EIF2AK4: variants seen among roughly 807,000 people sequenced by gnomAD.
EIF2AK4 encodes eIF-2-alpha kinase GCN2.
EIF2AK4 carries 139 observed loss-of-function variants against 211.1 expected under a neutral mutation model. The observed-to-expected ratio is 0.66, with a 90% CI of 0.57 to 0.76. The LOEUF (loss-of-function observed/expected upper bound fraction) is 0.76. EIF2AK4 is among the 30% of genes least tolerant of loss of function. The probability of loss-of-function intolerance (pLI) is 0.00; values close to 1 mark genes in which losing one functional copy is unlikely to be tolerated. For missense variants in EIF2AK4, 1,664 were observed against 2,043.8 expected (o/e 0.81, Z 3.58); for synonymous variants, 710 against 751.3 (o/e 0.94, Z 0.90).
At position 40,016,601 on chromosome 15, in the gene EIF2AK4, T is replaced by C; in HGVS notation, c.3859T>C (p.Leu1287=). The part of the protein sequence containing the change: ...LIKQKTGIAQ[L]VKYGLKDLEE... ...AAAACAGAAAACAGGTATTGCACAG[T>C]TGGTGAAGTATGGCTTAAAAGACCT... The change falls in exon 28 of 39, where the codon TTG becomes CTG. Residue 1287 remains leucine (L), a synonymous_variant. Transcript: ENST00000263791. 1 of 1,614,194 alleles carries C rather than the reference T, an allele frequency of 6.2e-7. No individual in the cohort carries two copies. Among genetic ancestry groups the C allele is most frequent in the Non-Finnish European group, 8.5e-7 (1 of 1,180,030 alleles).
intron 3 of EIF2AK4, among the ~76,000 whole-genome samples, chr15:39,948,022 G>C (rs1189080432): frequency 6.6e-6 from 1 of 152,164 alleles, no homozygotes; most frequent in Non-Finnish European, 1.5e-5. Flanking sequence ...GCTTTTCTTA[G>C]AATAACCTGC....
At chr15:40,014,602 C>G (rs2035280653) in intron 27 of EIF2AK4, among the ~76,000 whole-genome samples, 1 of 152,246 alleles carries the variant, frequency 6.6e-6, no homozygotes, top group Non-Finnish European at 1.5e-5. Flanking sequence ...GCCCACGAAA[C>G]CATTTTTTCC....
chr15:39,992,894 G>A, intron 18 of EIF2AK4, 46 bp downstream of exon 18: 2 of 1,570,116 alleles, frequency 1.3e-6, no homozygotes, highest in Non-Finnish European at 1.8e-6. Flanking sequence ...TAAGGTAATA[G>A]GACATCTAGA....
Position 39,965,740 on chromosome 15 carries a change from G to A in EIF2AK4, c.914G>A (p.Gly305Asp), listed in dbSNP as rs1243348671. Residue 305 changes from glycine (G) to aspartate (D), a missense_variant, in exon 8 of 39, where the codon GGT becomes GAT. By Grantham distance (94) the Gly-to-Asp change is moderately conservative. Coordinates refer to ENST00000263791, the MANE Select transcript of EIF2AK4 (RefSeq NM_001013703.4). ...TACAATGCTTTGGAAACAGCCACTG[G>A]TGGCTTTGTCTTGTTGTATGAGTGG... is the stretch of plus-strand genomic sequence containing the variant. ...LVYNALETATGGFVLLYEWVL... is the reference protein window; with the variant it reads ...LVYNALETATDGFVLLYEWVL... 1.2e-6 allele frequency: 2 copies of A among 1,613,978 alleles called. No homozygotes were observed. The highest frequency in any genetic ancestry group is 1.7e-6 in the Non-Finnish European group (2 of 1,180,004).
intron 9 of EIF2AK4, among the ~76,000 whole-genome samples, chr15:39,970,514 G>A (rs778974795): frequency 3.9e-5 from 6 of 152,118 alleles, no homozygotes; most frequent in East Asian, 1.9e-4. Context: ...GTAGGTCCAC[G>A]CCTATACAGA....
At position 40,035,313 on chromosome 15, in the gene EIF2AK4, TAAA is replaced by T. The variant is rs1184161325; in HGVS notation, c.*234_*236del. On this transcript the variant is annotated 3_prime_UTR_variant, in exon 39 of 39. Transcript: ENST00000263791. ...AGCAAGACCCCATCTCTATAAAAAC[TAAA>T]AAAATTAGTTGGGCATGGTGGCACA... is the stretch of plus-strand genomic sequence containing the variant. 1.4e-5 allele frequency: 4 copies of T among 287,140 alleles called. No homozygotes were observed. In the South Asian group the frequency reaches 4.2e-4, roughly 30 times the overall value. The allele number at this position is 287,140 out of a possible 1,614,324, so 17.8% of individuals were successfully genotyped here. A position where few individuals can be genotyped will look rare whatever the true frequency, so the allele number is the denominator to read the frequency against.
intron 13 of EIF2AK4, among the ~76,000 whole-genome samples, chr15:39,981,475 T>C (rs2034784302): frequency 1.3e-5 from 2 of 152,136 alleles, no homozygotes; most frequent in African/African-American, 4.8e-5. Context: ...CTGGTTTTGC[T>C]CAGTTAAGGG....
chr15:40,029,038 A>G (rs1452554733), intron 33 of EIF2AK4, among the ~76,000 whole-genome samples: 1 of 152,200 alleles, frequency 6.6e-6, no homozygotes, highest in Non-Finnish European at 1.5e-5. Context: ...GGCTACTGCC[A>G]TAATGAAGGT....
At chr15:39,982,690 C>T (rs1249842491) in intron 13 of EIF2AK4, among the ~76,000 whole-genome samples, 2 of 151,942 alleles carry the variant, frequency 1.3e-5, no homozygotes, top group East Asian at 3.9e-4. Flanking sequence ...AGCTATCCCT[C>T]CCCTAGCTCC....
At chr15:39,997,198 C>T (rs2035029862) in intron 19 of EIF2AK4, 133 bp downstream of exon 19, 1 of 685,688 alleles carries the variant, frequency 1.5e-6, no homozygotes, top group Non-Finnish European at 2.5e-6. Context: ...TTTAATGACT[C>T]ATTTATTCAG....
At chr15:39,965,535 C>A in intron 7 of EIF2AK4, 151 bp from the exon 8 acceptor site, 1 of 875,874 alleles carries the variant, frequency 1.1e-6, no homozygotes, top group Non-Finnish European at 1.7e-6. Context: ...AAATTGTTTA[C>A]AAAAGGACAT....
chr15:39,945,373 A>C (rs1382511070), intron 3 of EIF2AK4, among the ~76,000 whole-genome samples: 4 of 152,204 alleles, frequency 2.6e-5, no homozygotes, highest in Non-Finnish European at 5.9e-5. Flanking sequence ...AAGAAGATCA[A>C]ATTAGCCACC....
intron 15 of EIF2AK4, among the ~76,000 whole-genome samples, chr15:39,988,803 C>T (rs1250154035): frequency 2.0e-5 from 3 of 152,140 alleles, no homozygotes; most frequent in Non-Finnish European, 4.4e-5. Flanking sequence ...GAGTTCAAGA[C>T]CAGACTGGTC....
intron 25 of EIF2AK4, among the ~76,000 whole-genome samples, chr15:40,008,518 C>T (rs900979126): frequency 6.6e-6 from 1 of 152,130 alleles, no homozygotes; most frequent in Admixed American, 6.5e-5. Flanking sequence ...ATCCTACACC[C>T]GATCTCTTCA....
intron 33 of EIF2AK4, among the ~76,000 whole-genome samples, chr15:40,028,434 C>G (rs557706624): frequency 1.6e-4 from 25 of 152,316 alleles, no homozygotes; most frequent in African/African-American, 6.0e-4. Context: ...CAGGGCACAT[C>G]TGGCAATGTA....
At chr15:39,981,924 C>CTTTTTTTT in intron 13 of EIF2AK4, among the ~76,000 whole-genome samples, 1 of 122,306 alleles carries the variant, frequency 8.2e-6, no homozygotes, top group Non-Finnish European at 1.7e-5. Context: ...AATGTGGTCA[C>CTTTTTTTT]TTTTTTTTTT....
chr15:39,990,895 A>G (rs1439981741), intron 16 of EIF2AK4, among the ~76,000 whole-genome samples: 1 of 152,242 alleles, frequency 6.6e-6, no homozygotes, highest in Non-Finnish European at 1.5e-5. Context: ...GAGAGAGCAC[A>G]GCATAAGCAG....
chr15:39,992,841 A>G lies in EIF2AK4; in HGVS notation c.2759A>G (p.Tyr920Cys). 6.2e-7 allele frequency: 1 copy of G among 1,614,144 alleles called. No homozygotes were observed. The highest frequency in any genetic ancestry group is 8.5e-7 in the Non-Finnish European group (1 of 1,180,002). Residue 920 changes from tyrosine to cysteine, a missense_variant, in exon 18 of 39, where the codon TAC becomes TGC. Tyr to Cys is a radical substitution (Grantham distance 194). Coordinates refer to ENST00000263791, the MANE Select transcript of EIF2AK4 (RefSeq NM_001013703.4). ...PEVQGSTKSA[Y>C]NQKVDLFSLG... ...GTCCAAGGAAGCACCAAATCTGCAT[A>G]CAACCAGGTAAGAGGTTTTGTGGGG...
At chr15:39,975,542 C>T (rs2034682314) in intron 11 of EIF2AK4, 1 of 152,226 alleles carries the variant, frequency 6.6e-6, no homozygotes, top group Non-Finnish European at 1.5e-5. Context: ...ACGGATGTGA[C>T]TACAAGGTTT....
Sources: allele counts gnomAD v4.1 joint callset (sites outside exome capture counted in the v4.1 genomes callset), GRCh38; gene constraint gnomAD v4.1.1; transcripts MANE v1.5; gene names NCBI Gene and HGNC (gene_info 2026-07-23, HGNC 2026-07-21).